The following RHEB variants were observed in gnomAD, a reference collection of about 807,000 sequenced individuals.
RHEB encodes Ras homolog, mTORC1 binding.
In RHEB, 2 loss-of-function variants were observed where a neutral mutation model predicts 28.8. The observed-to-expected ratio is 0.07, with a 90% CI of 0.03 to 0.22. The LOEUF (loss-of-function observed/expected upper bound fraction) is 0.22. RHEB is among the 10% of genes least tolerant of loss of function. The pLI, the probability that RHEB is intolerant of heterozygous loss-of-function variation, is 1.00. For missense variants in RHEB, 76 were observed against 219.9 expected (o/e 0.35, Z 4.14); for synonymous variants, 69 against 77.3 (o/e 0.89, Z 0.56).
In RHEB at chr7:151,479,492, C is replaced by T. The variant is rs576758746; in HGVS notation, c.193-2077G>A. On this transcript the variant is annotated intron_variant, in intron 3 of 7. Transcript: ENST00000262187. Reference sequence around the variant, plus strand: ...GGTCAGGAGATTCATATCATCCTGGCTAACACAGTGAAACCCCGTCTCCAC... The same window carrying T: ...GGTCAGGAGATTCATATCATCCTGGTTAACACAGTGAAACCCCGTCTCCAC... Among the ~76,000 whole-genome samples the T allele has an allele frequency of 1.2e-4, 19 of 152,196 alleles. No individual in the cohort carries two copies. In the East Asian group the frequency reaches 2.1e-3, roughly 17 times the overall value.
At chr7:151,507,132 A>G (rs1037169520) in intron 1 of RHEB, among the ~76,000 whole-genome samples, 1 of 150,436 alleles carries the variant, frequency 6.6e-6, no homozygotes, top group Non-Finnish European at 1.5e-5. Flanking sequence ...TAAACGGCAG[A>G]AAAAAGACTG....
intron 1 of RHEB, among the ~76,000 whole-genome samples, chr7:151,518,562 G>C (rs1803122353): frequency 1.3e-5 from 2 of 152,020 alleles, no homozygotes; most frequent in Non-Finnish European, 2.9e-5. Context: ...AAGTTCAATC[G>C]CTCTGGTTTC....
intron 3 of RHEB, among the ~76,000 whole-genome samples, chr7:151,483,409 T>C (rs1468465848): frequency 6.6e-6 from 1 of 152,130 alleles, no homozygotes; most frequent in Non-Finnish European, 1.5e-5. Context: ...CTGCTACTCT[T>C]ATCCTTTGAT....
chr7:151,479,510 G>A (rs960705492), intron 3 of RHEB, among the ~76,000 whole-genome samples: 1 of 151,902 alleles, frequency 6.6e-6, no homozygotes, highest in East Asian at 1.9e-4. Flanking sequence ...GTGAAACCCC[G>A]TCTCCACTCA....
chr7:151,480,484 G>A (rs1282366161), intron 3 of RHEB, among the ~76,000 whole-genome samples: 2 of 151,556 alleles, frequency 1.3e-5, no homozygotes, highest in African/African-American at 4.9e-5. Flanking sequence ...ACTGGTAAAT[G>A]TGGTTGCTGG....
At chr7:151,490,343 T>C (rs1176378873) in intron 2 of RHEB, among the ~76,000 whole-genome samples, 2 of 152,204 alleles carry the variant, frequency 1.3e-5, no homozygotes, top group Non-Finnish European at 1.5e-5. Flanking sequence ...TCTGAAACCA[T>C]GGATTAAAAT....
intron 2 of RHEB, among the ~76,000 whole-genome samples, chr7:151,486,490 T>A (rs1309491942): frequency 6.6e-6 from 1 of 151,800 alleles, no homozygotes; most frequent in Non-Finnish European, 1.5e-5. Flanking sequence ...TCCCTGGGAG[T>A]GGAACACCCA....
At chr7:151,479,310 T>G (rs1802328797) in intron 3 of RHEB, among the ~76,000 whole-genome samples, 1 of 151,954 alleles carries the variant, frequency 6.6e-6, no homozygotes, top group Non-Finnish European at 1.5e-5. Flanking sequence ...AAAAACATAT[T>G]CCAGAGGAAG....
chr7:151,516,808 T>C (rs1803089914), intron 1 of RHEB, among the ~76,000 whole-genome samples: 2 of 152,088 alleles, frequency 1.3e-5, no homozygotes, highest in South Asian at 4.1e-4. Flanking sequence ...TGTGGAGGCT[T>C]TTTATGTGGC....
At chr7:151,500,040 G>A (rs1047117659) in intron 1 of RHEB, among the ~76,000 whole-genome samples, 4 of 152,142 alleles carry the variant, frequency 2.6e-5, no homozygotes, top group African/African-American at 7.2e-5. Context: ...GGGCTCAAGC[G>A]GTCCGCCCAT....
At chr7:151,493,903 A>C (rs909166442) in intron 1 of RHEB, among the ~76,000 whole-genome samples, 20 of 152,140 alleles carry the variant, frequency 1.3e-4, no homozygotes, top group Admixed American at 3.9e-4. Context: ...TAAAAAAAAA[A>C]CAAACTGTTA....
At chr7:151,502,824 T>TG (rs1802796587) in intron 1 of RHEB, 1 of 1,224,794 alleles carries the variant, frequency 8.2e-7, no homozygotes, top group South Asian at 1.2e-5. Flanking sequence ...AAAGTGAATG[T>TG]GGCTGGTCTA....
At chr7:151,507,800 CAATT>C (rs1163723681) in intron 1 of RHEB, among the ~76,000 whole-genome samples, 1 of 152,064 alleles carries the variant, frequency 6.6e-6, no homozygotes, top group African/African-American at 2.4e-5. Flanking sequence ...ACCCTATTGC[CAATT>C]ATTATGCTAC....
intron 1 of RHEB, among the ~76,000 whole-genome samples, chr7:151,512,739 C>T (rs1381272774): frequency 6.6e-6 from 1 of 152,190 alleles, no homozygotes; most frequent in Non-Finnish European, 1.5e-5. Flanking sequence ...TTTTGCACAG[C>T]AGTGAACAAG....
Position 151,502,931 on chromosome 7 carries a change from G to C in RHEB, c.53-11917C>G, listed in dbSNP as rs574391601. 3.2e-5 allele frequency: 25 copies of C among 791,662 alleles called. No homozygotes were observed. In the East Asian group the frequency reaches 5.6e-4, roughly 18 times the overall value. The allele number at this position is 791,662 out of a possible 1,614,324, so 49.0% of individuals were successfully genotyped here. A position where few individuals can be genotyped will look rare whatever the true frequency, so the allele number is the denominator to read the frequency against. ...TTTAAAATTAGTTGATATATCCTAT[G>C]GTGGTGAAAATGGATTCAATCAAGC... is the stretch of plus-strand genomic sequence containing the variant. On this transcript the variant is annotated intron_variant, in intron 1 of 7. Coordinates refer to ENST00000262187, the MANE Select transcript of RHEB (RefSeq NM_005614.4).
At chr7:151,501,335 G>A (rs1326659443) in intron 1 of RHEB, among the ~76,000 whole-genome samples, 4 of 152,156 alleles carry the variant, frequency 2.6e-5, no homozygotes, top group Non-Finnish European at 4.4e-5. Context: ...AAATGGCAAA[G>A]CACATTAAAG....
intron 2 of RHEB, among the ~76,000 whole-genome samples, chr7:151,487,561 C>T (rs1322624454): frequency 1.3e-5 from 2 of 151,842 alleles, no homozygotes; most frequent in Non-Finnish European, 2.9e-5. Context: ...TCTATCTTTG[C>T]ATGTAAAAAG....
chr7:151,502,681 G>A, intron 1 of RHEB: 1 of 1,610,394 alleles, frequency 6.2e-7, no homozygotes, highest in Non-Finnish European at 8.5e-7. Context: ...AAACACAAGA[G>A]AAGTCCTGCA....
intron 1 of RHEB, among the ~76,000 whole-genome samples, chr7:151,501,517 G>C (rs1371541004): frequency 1.3e-5 from 2 of 152,190 alleles, no homozygotes; most frequent in Non-Finnish European, 2.9e-5. Flanking sequence ...AAATGGTGCA[G>C]TCAATTTGGC....
Sources: gnomAD v4.1 joint callset for allele counts (sites outside exome capture counted in the v4.1 genomes callset) on GRCh38, gnomAD v4.1.1 for gene constraint, MANE v1.5 for transcripts, NCBI Gene and HGNC (gene_info 2026-07-23, HGNC 2026-07-21) for gene names.